The following PLD5 variants were observed in gnomAD, a reference collection of about 807,000 sequenced individuals.
PLD5 encodes the protein inactive phospholipase D5.
In PLD5, 36 loss-of-function variants were observed where a neutral mutation model predicts 61.1. The observed-to-expected ratio is 0.59, with a 90% CI of 0.45 to 0.78. PLD5 has a LOEUF of 0.78. Among genes scored for constraint, PLD5 ranks in the 30% least tolerant of loss-of-function variants. The pLI, the probability that PLD5 is intolerant of heterozygous loss-of-function variation, is 0.00. For synonymous variants in PLD5, 243 were observed against 242.8 expected, an observed-to-expected ratio of 1.00 and a Z score of -0.01; for missense variants, 515 against 644.4, an observed-to-expected ratio of 0.80 and a Z score of 2.17.
chr1:242,108,322 G>T (rs1661225053), intron 7 of PLD5, among the ~76,000 whole-genome samples: 1 of 152,114 alleles, frequency 6.6e-6, no homozygotes, highest in Non-Finnish European at 1.5e-5. Flanking sequence ...CTGTCTTACC[G>T]TGGTGTCTCC....
intron 1 of PLD5, among the ~76,000 whole-genome samples, chr1:242,497,245 C>T (rs1480649875): frequency 6.6e-6 from 1 of 152,216 alleles, no homozygotes; most frequent in East Asian, 1.9e-4. Flanking sequence ...AATACCACAA[C>T]ATTCAGAGTT....
chr1:242,436,170 G>T (rs1665988744), intron 1 of PLD5, among the ~76,000 whole-genome samples: 1 of 152,030 alleles, frequency 6.6e-6, no homozygotes, highest in Admixed American at 6.5e-5. Flanking sequence ...CAATCCTTCA[G>T]ACACTCAAAT....
chr1:242,245,169 A>C (rs1672284355), intron 4 of PLD5, among the ~76,000 whole-genome samples: 1 of 152,186 alleles, frequency 6.6e-6, no homozygotes, highest in Admixed American at 6.5e-5. Context: ...TAGGAAAAGA[A>C]AAAAAAGGAG....
At chr1:242,265,470 A>C in intron 3 of PLD5, 22 bp from the exon 4 acceptor site, 1 of 1,577,380 alleles carries the variant, frequency 6.3e-7, no homozygotes, top group Non-Finnish European at 8.6e-7. Context: ...ATTCAGAGAC[A>C]AAGAAAGTCA....
intron 2 of PLD5, among the ~76,000 whole-genome samples, chr1:242,335,069 C>T (rs1007140368): frequency 2.0e-5 from 3 of 151,916 alleles, no homozygotes; most frequent in Admixed American, 6.6e-5. Context: ...TATTTTATTT[C>T]TGTGAGACCC....
intron 5 of PLD5, among the ~76,000 whole-genome samples, chr1:242,171,309 A>G (rs1168819244): frequency 6.6e-6 from 1 of 152,202 alleles, no homozygotes; most frequent in African/African-American, 2.4e-5. Context: ...AAGGAGAAAT[A>G]AAATCCTTTA....
chr1:242,128,460 C>T (rs1382387082), intron 5 of PLD5, among the ~76,000 whole-genome samples: 1 of 152,200 alleles, frequency 6.6e-6, no homozygotes, highest in African/African-American at 2.4e-5. Flanking sequence ...AAAGCAGCTG[C>T]CCCTGCCACA....
In PLD5 at chr1:242,089,891, G is replaced by A. The variant is rs758490454; in HGVS notation, c.1574C>T (p.Thr525Ile). Reference sequence around the variant, plus strand: ...GGGATCCTTTCCGCCTGTGTCGTCTGTGGCAGTTTTGTTGGAGAGGGGTTT... The same window carrying A: ...GGGATCCTTTCCGCCTGTGTCGTCTATGGCAGTTTTGTTGGAGAGGGGTTT... ...KLKPLSNKTA[T>I]DDTGGKDPRN... Residue 525 changes from threonine to isoleucine, a missense_variant, in exon 10 of 10, where the codon ACA (threonine) becomes ATA (isoleucine). This residue lies in a region of PLD5 where 450 missense variants were observed against 598.1 expected (regional missense o/e 0.75). Coordinates refer to ENST00000536534, the MANE Select transcript of PLD5 (RefSeq NM_001372062.1). 1 of 1,614,184 alleles carries A rather than the reference G, an allele frequency of 6.2e-7. No individual in the cohort carries two copies. The highest frequency in any genetic ancestry group is 8.5e-7 in the Non-Finnish European group (1 of 1,180,038).
intron 1 of PLD5, among the ~76,000 whole-genome samples, chr1:242,464,929 A>G (rs76652610): frequency 0.057 from 8,744 of 152,308 alleles, 298 homozygotes; most frequent in African/African-American, 0.065. Flanking sequence ...TTCCCTTTAC[A>G]TACAATGTCT....
intron 4 of PLD5, among the ~76,000 whole-genome samples, chr1:242,233,796 T>C (rs1671464476): frequency 6.6e-6 from 1 of 152,096 alleles, no homozygotes; most frequent in Non-Finnish European, 1.5e-5. Context: ...CCTCTAGCTG[T>C]GTGTGTCCCT....
chr1:242,257,872 T>G (rs962163305), intron 4 of PLD5, among the ~76,000 whole-genome samples: 1 of 152,196 alleles, frequency 6.6e-6, no homozygotes, highest in Non-Finnish European at 1.5e-5. Context: ...TAGCAGATAA[T>G]GTCAGTGGGA....
intron 1 of PLD5, among the ~76,000 whole-genome samples, chr1:242,432,546 C>T (rs1481146758): frequency 6.6e-6 from 1 of 152,164 alleles, no homozygotes; most frequent in Non-Finnish European, 1.5e-5. Flanking sequence ...GGGCTTAAAG[C>T]CACTGACAGA....
In PLD5 at chr1:242,090,692, G is replaced by A. The variant is rs113994680; in HGVS notation, c.1355-582C>T. Among the ~76,000 whole-genome samples the A allele has an allele frequency of 8.1e-3, 1,238 of 152,288 alleles. 16 individuals carry two copies. The highest frequency in any genetic ancestry group is 0.028 in the African/African-American group (1,184 of 41,566). ...AACAGCCTCTCAAGTATGACTGCCCGTGTTATGTGGTGTATTCGTGTTTTT... is the reference window on the plus strand; with the variant it reads ...AACAGCCTCTCAAGTATGACTGCCCATGTTATGTGGTGTATTCGTGTTTTT... On this transcript the variant is annotated intron_variant, in intron 9 of 9. Coordinates refer to ENST00000536534, the MANE Select transcript of PLD5 (RefSeq NM_001372062.1).
intron 1 of PLD5, among the ~76,000 whole-genome samples, chr1:242,373,732 T>C (rs1271069230): frequency 1.3e-5 from 2 of 151,864 alleles, no homozygotes. Flanking sequence ...TTCTCACTCA[T>C]AGGTGGGAAT....
chr1:242,161,537 A>AAAATT (rs1286810756), intron 5 of PLD5, among the ~76,000 whole-genome samples: 3 of 152,112 alleles, frequency 2.0e-5, no homozygotes, highest in Admixed American at 6.5e-5. Flanking sequence ...CTATATTATA[A>AAAATT]AAATTAACAT....
At chr1:242,506,639 A>G (rs60276593) in intron 1 of PLD5, among the ~76,000 whole-genome samples, 3,026 of 152,318 alleles carry the variant, frequency 0.02, 107 homozygotes, top group African/African-American at 0.069. Flanking sequence ...CTTTGCCTCC[A>G]TAAAGGAATA....
chr1:242,387,122 G>T (rs761912211), intron 1 of PLD5, among the ~76,000 whole-genome samples: 38 of 152,076 alleles, frequency 2.5e-4, no homozygotes, highest in Non-Finnish European at 2.5e-4. Flanking sequence ...CGAAGAAAAA[G>T]ATCTAATTAA....
At chr1:242,216,766 T>C (rs979702794) in intron 5 of PLD5, among the ~76,000 whole-genome samples, 1 of 152,182 alleles carries the variant, frequency 6.6e-6, no homozygotes, top group African/African-American at 2.4e-5. Context: ...CATCACTGAG[T>C]TAGGGTCTGT....
chr1:242,292,804 G>A (rs528565918), intron 2 of PLD5, among the ~76,000 whole-genome samples: 3 of 152,270 alleles, frequency 2.0e-5, no homozygotes, highest in African/African-American at 2.4e-5. Flanking sequence ...GGTAGTGACC[G>A]GATCTTGTCA....
Sources: gnomAD v4.1 joint callset for allele counts (sites outside exome capture counted in the v4.1 genomes callset) on GRCh38, gnomAD v4.1.1 for gene constraint, gnomAD v4.1.1 regional missense constraint, MANE v1.5 for transcripts, NCBI Gene and HGNC (gene_info 2026-07-23, HGNC 2026-07-21) for gene names.